FARSB: variants seen among roughly 807,000 people sequenced by gnomAD.
FARSB encodes phenylalanine--tRNA ligase beta subunit.
FARSB carries 40 observed loss-of-function variants against 69.6 expected under a neutral mutation model. The ratio of observed to expected loss-of-function variants is 0.57; its 90% CI spans 0.45 to 0.75. The LOEUF (loss-of-function observed/expected upper bound fraction) is 0.75, where lower values mean the gene tolerates loss of function less well. Among genes scored for constraint, FARSB ranks in the 30% least tolerant of loss-of-function variants. The pLI is 0.00. For synonymous variants in FARSB, 235 were observed against 247.2 expected, an observed-to-expected ratio of 0.95 and a Z score of 0.46; for missense variants, 632 against 722.9, an observed-to-expected ratio of 0.87 and a Z score of 1.44.
At chr2:222,641,561 T>C (rs1026552853) in intron 3 of FARSB, among the ~76,000 whole-genome samples, 4 of 152,220 alleles carry the variant, frequency 2.6e-5, no homozygotes, top group Admixed American at 2.6e-4. Flanking sequence ...TAAGACTGCA[T>C]TTCTAGTAAG....
chr2:222,625,191 C>T (rs1691238670), intron 10 of FARSB, among the ~76,000 whole-genome samples: 1 of 152,174 alleles, frequency 6.6e-6, no homozygotes, highest in Non-Finnish European at 1.5e-5. Flanking sequence ...GTCCATCATA[C>T]TAAGTCTAAG....
intron 7 of FARSB, among the ~76,000 whole-genome samples, chr2:222,632,042 A>G (rs935708110): frequency 1.0e-4 from 14 of 139,010 alleles, no homozygotes; most frequent in Non-Finnish European, 8.9e-5. Context: ...ATGGCACGAC[A>G]TGGTGCAATG....
chr2:222,592,399 G>A (rs1690297971), intron 16 of FARSB, among the ~76,000 whole-genome samples: 1 of 152,056 alleles, frequency 6.6e-6, no homozygotes, highest in Admixed American at 6.6e-5. Flanking sequence ...GGAATTCCCA[G>A]GACAGTGACT....
At chr2:222,637,897 C>G (rs1380350444) in intron 5 of FARSB, among the ~76,000 whole-genome samples, 1 of 152,058 alleles carries the variant, frequency 6.6e-6, no homozygotes, top group Non-Finnish European at 1.5e-5. Flanking sequence ...GCAGGAGGAT[C>G]ACTTGAGCAC....
At chr2:222,605,444 A>C (rs1690681403) in intron 15 of FARSB, among the ~76,000 whole-genome samples, 1 of 152,138 alleles carries the variant, frequency 6.6e-6, no homozygotes, top group Non-Finnish European at 1.5e-5. Context: ...CTTAGCAACT[A>C]AACTGGAAGC....
intron 1 of FARSB, among the ~76,000 whole-genome samples, chr2:222,653,113 A>G (rs943677235): frequency 6.6e-6 from 1 of 152,270 alleles, no homozygotes; most frequent in Admixed American, 6.5e-5. Flanking sequence ...ATTGAAGAGC[A>G]GTGATAATAA....
At chr2:222,591,757 C>T (rs1690281148) in intron 16 of FARSB, among the ~76,000 whole-genome samples, 1 of 152,126 alleles carries the variant, frequency 6.6e-6, no homozygotes, top group South Asian at 2.1e-4. Context: ...TCCTCTAAAA[C>T]ATATTTCCTG....
At chr2:222,648,855 A>T (rs1691947016) in intron 1 of FARSB, 60 bp from the exon 2 acceptor site, 1 of 1,071,440 alleles carries the variant, frequency 9.3e-7, no homozygotes, top group Non-Finnish European at 1.5e-6. Flanking sequence ...TGAAAACTAC[A>T]TACAAACTGC....
chr2:222,647,752 G>T (rs1048168235), intron 2 of FARSB, among the ~76,000 whole-genome samples: 3 of 152,152 alleles, frequency 2.0e-5, no homozygotes, highest in African/African-American at 4.8e-5. Flanking sequence ...GCAACAGAGT[G>T]AAACTATATA....
At chr2:222,624,613 T>C in intron 11 of FARSB, 101 bp downstream of exon 11, 1 of 932,942 alleles carries the variant, frequency 1.1e-6, no homozygotes, top group Non-Finnish European at 1.7e-6. Context: ...ATATCTTAAC[T>C]GATGTTTTAT....
chr2:222,609,424 C>T (rs1323870796), intron 15 of FARSB, among the ~76,000 whole-genome samples: 1 of 152,224 alleles, frequency 6.6e-6, no homozygotes, highest in African/African-American at 2.4e-5. Flanking sequence ...CCTGATATGG[C>T]AGCTTCAATG....
intron 14 of FARSB, among the ~76,000 whole-genome samples, chr2:222,616,324 G>A (rs1247391616): frequency 7.2e-5 from 11 of 152,088 alleles, no homozygotes; most frequent in South Asian, 2.1e-4. Context: ...CAAGATGGGC[G>A]GATCACGAGG....
chr2:222,584,726 C>T lies in FARSB; in HGVS notation c.1619-12704G>A, dbSNP rs188504114. Among the ~76,000 whole-genome samples, 1,301 of 152,308 alleles carry T rather than the reference C, an allele frequency of 8.5e-3. 19 individuals are homozygous for T. Among genetic ancestry groups the T allele is most frequent in the African/African-American group, 0.03 (1,245 of 41,556 alleles). ...CCTGGCTCAGAGGGTCCCACGCCCA[C>T]GGAGCCTCGCTCACTGCTAGCACAG... On this transcript the variant is annotated intron_variant, in intron 16 of 16. Transcript: ENST00000281828.
At chr2:222,575,031 G>T (rs1689801641) in intron 16 of FARSB, among the ~76,000 whole-genome samples, 2 of 152,226 alleles carry the variant, frequency 1.3e-5, no homozygotes, top group South Asian at 4.1e-4. Flanking sequence ...GAAGGGAATT[G>T]CTTCAAAGGA....
At chr2:222,642,238 T>G (rs998270156) in intron 3 of FARSB, among the ~76,000 whole-genome samples, 1 of 152,192 alleles carries the variant, frequency 6.6e-6, no homozygotes, top group Admixed American at 6.5e-5. Context: ...TGACCTCAAG[T>G]GATCCACCAG....
At chr2:222,603,682 TTA>T (rs1451320432) in intron 15 of FARSB, among the ~76,000 whole-genome samples, 2 of 75,822 alleles carry the variant, frequency 2.6e-5, no homozygotes, top group Non-Finnish European at 7.7e-5. Flanking sequence ...TAATATTATA[TTA>T]TATATTATTA....
rs145955813 is a variant in FARSB at position 222,572,910 on chromosome 2, T to C, written c.1619-888A>G. On this transcript the variant is annotated intron_variant, in intron 16 of 16. Transcript: ENST00000281828. The stretch of plus-strand genomic sequence containing the variant: ...TTACAAATATGCTGACTCACTGCTC[T>C]CACCACCAACTTGAAAAGGGATCAG... Among the ~76,000 whole-genome samples the C allele has an allele frequency of 3.2e-3, 493 of 152,308 alleles. 2 individuals carry two copies. The highest frequency in any genetic ancestry group is 5.6e-3 in the Non-Finnish European group (381 of 68,020).
At chr2:222,644,331 T>C (rs1691793588) in intron 2 of FARSB, among the ~76,000 whole-genome samples, 1 of 151,696 alleles carries the variant, frequency 6.6e-6, no homozygotes, top group Non-Finnish European at 1.5e-5. Flanking sequence ...ATCTCAAACT[T>C]AGGAGGCAAA....
At chr2:222,579,936 T>C (rs144755119) in intron 16 of FARSB, among the ~76,000 whole-genome samples, 109 of 152,318 alleles carry the variant, frequency 7.2e-4, no homozygotes, top group Non-Finnish European at 1.3e-3. Context: ...GATATCGTCA[T>C]TGCCATTTTA....
Sources: allele counts gnomAD v4.1 joint callset (sites outside exome capture counted in the v4.1 genomes callset), GRCh38; gene constraint gnomAD v4.1.1; transcripts MANE v1.5; gene names NCBI Gene and HGNC (gene_info 2026-07-23, HGNC 2026-07-21).